DCC: variants seen among roughly 807,000 people sequenced by gnomAD.
The protein encoded by DCC is DCC netrin 1 receptor.
In DCC, 58 loss-of-function variants were observed where a neutral mutation model predicts 172.5. That is an observed-to-expected ratio of 0.34 (90% confidence interval 0.27 to 0.42). The LOEUF is 0.42. Among genes scored for constraint, DCC ranks in the 10% least tolerant of loss-of-function variants. DCC has a pLI of 1.00. For missense variants in DCC, 1,740 were observed against 1,791.0 expected (o/e 0.97, Z 0.51); for synonymous variants, 709 against 644.5 (o/e 1.10, Z -1.52).
At chr18:52,805,234 A>C (rs953184427) in intron 2 of DCC, among the ~76,000 whole-genome samples, 1 of 152,170 alleles carries the variant, frequency 6.6e-6, no homozygotes, top group Non-Finnish European at 1.5e-5. Context: ...CAAATGGAAT[A>C]GTTTCAGGAT....
At chr18:53,123,523 C>G (rs1598824989) in intron 7 of DCC, among the ~76,000 whole-genome samples, 1 of 151,992 alleles carries the variant, frequency 6.6e-6, no homozygotes, top group African/African-American at 2.4e-5. Context: ...CTATGTGCAA[C>G]CAGCCTTATT....
chr18:52,378,548 A>ATG (rs1229260162), intron 1 of DCC, among the ~76,000 whole-genome samples: 2 of 152,058 alleles, frequency 1.3e-5, no homozygotes, highest in African/African-American at 4.8e-5. Context: ...AAATATATAT[A>ATG]CTTTTTTTGA....
chr18:52,650,227 C>T (rs2035104921), intron 1 of DCC, among the ~76,000 whole-genome samples: 1 of 152,104 alleles, frequency 6.6e-6, no homozygotes, highest in Admixed American at 6.5e-5. Context: ...GATCTGCCTG[C>T]CTCAGCCTCC....
chr18:53,353,452 G>A (rs554021955), intron 15 of DCC, among the ~76,000 whole-genome samples: 28 of 151,864 alleles, frequency 1.8e-4, no homozygotes, highest in Admixed American at 1.4e-3. Context: ...AAAAAATAAC[G>A]TATTGTCTAA....
At chr18:52,681,089 T>C (rs1185132665) in intron 1 of DCC, among the ~76,000 whole-genome samples, 1 of 152,086 alleles carries the variant, frequency 6.6e-6, no homozygotes, top group Non-Finnish European at 1.5e-5. Flanking sequence ...CTTCAATTTA[T>C]ACTATCACAT....
intron 1 of DCC, among the ~76,000 whole-genome samples, chr18:52,680,214 T>C (rs1453073896): frequency 6.6e-6 from 1 of 152,006 alleles, no homozygotes; most frequent in African/African-American, 2.4e-5. Flanking sequence ...ACAATTACAT[T>C]ATGGCAAACT....
intron 5 of DCC, among the ~76,000 whole-genome samples, chr18:52,960,691 A>G (rs1456021006): frequency 1.6e-4 from 24 of 152,094 alleles, no homozygotes; most frequent in Admixed American, 1.6e-3. Context: ...TACTGACTTC[A>G]TTAGCAAACT....
intron 1 of DCC, among the ~76,000 whole-genome samples, chr18:52,423,325 T>C (rs1987314161): frequency 6.6e-6 from 1 of 152,092 alleles, no homozygotes; most frequent in African/African-American, 2.4e-5. Flanking sequence ...CTGGGGGATC[T>C]GCAAAGTCGT....
intron 2 of DCC, among the ~76,000 whole-genome samples, chr18:52,798,146 C>T (rs938493203): frequency 6.6e-6 from 1 of 150,704 alleles, no homozygotes; most frequent in Non-Finnish European, 1.5e-5. Context: ...CCATCAGTAT[C>T]AGATAGGGTC....
chr18:53,008,965 A>T (rs544731394), intron 5 of DCC, among the ~76,000 whole-genome samples: 2 of 152,062 alleles, frequency 1.3e-5, no homozygotes, highest in African/African-American at 4.8e-5. Flanking sequence ...TAAAGAAGGA[A>T]ACATATCTTT....
At chr18:52,363,854 G>T (rs1443459984) in intron 1 of DCC, among the ~76,000 whole-genome samples, 2 of 152,170 alleles carry the variant, frequency 1.3e-5, no homozygotes, top group African/African-American at 4.8e-5. Context: ...CTCCTTCTAA[G>T]ATATCAACAT....
intron 8 of DCC, 129 bp downstream of exon 8, chr18:53,157,641 A>T: frequency 2.2e-6 from 2 of 900,558 alleles, no homozygotes; most frequent in Non-Finnish European, 3.5e-6. Context: ...TATGTCCTTC[A>T]CTCATTCCCC....
chr18:53,078,807 A>G (rs1467601301), intron 7 of DCC, among the ~76,000 whole-genome samples: 2 of 152,120 alleles, frequency 1.3e-5, no homozygotes, highest in Non-Finnish European at 2.9e-5. Flanking sequence ...TTTCATCTAG[A>G]TGATCGTCTA....
At chr18:52,441,408 T>A (rs1311670497) in intron 1 of DCC, among the ~76,000 whole-genome samples, 2 of 152,212 alleles carry the variant, frequency 1.3e-5, no homozygotes, top group Non-Finnish European at 2.9e-5. Flanking sequence ...CCTCAAAGTC[T>A]ATGAAGTGTT....
At chr18:52,798,971 A>G (rs1336377772) in intron 2 of DCC, among the ~76,000 whole-genome samples, 10 of 151,790 alleles carry the variant, frequency 6.6e-5, no homozygotes, top group Admixed American at 6.6e-4. Flanking sequence ...CTGGTCTCGA[A>G]CTCCTGACCT....
At chr18:52,580,415 C>T (rs930471737) in intron 1 of DCC, among the ~76,000 whole-genome samples, 6 of 152,132 alleles carry the variant, frequency 3.9e-5, no homozygotes, top group Non-Finnish European at 7.3e-5. Context: ...CTGCTGACAT[C>T]TTTTGTCTCT....
At chr18:53,226,615 A>G (rs1272239388) in intron 12 of DCC, among the ~76,000 whole-genome samples, 1 of 152,038 alleles carries the variant, frequency 6.6e-6, no homozygotes, top group African/African-American at 2.4e-5. Context: ...TATATTTGTT[A>G]TTAAAAGTTT....
At chr18:52,511,082 C>T (rs527439917) in intron 1 of DCC, among the ~76,000 whole-genome samples, 4 of 152,004 alleles carry the variant, frequency 2.6e-5, no homozygotes, top group Non-Finnish European at 4.4e-5. Context: ...GAGATCGAAA[C>T]TATCCTGACT....
At chr18:53,136,447 T>G (rs1360727305) in intron 7 of DCC, among the ~76,000 whole-genome samples, 1 of 152,150 alleles carries the variant, frequency 6.6e-6, no homozygotes, top group African/African-American at 2.4e-5. Context: ...ATTGCATTTT[T>G]AGTTTCGCAA....
Sources: gnomAD v4.1 joint callset for allele counts (sites outside exome capture counted in the v4.1 genomes callset) on GRCh38, gnomAD v4.1.1 for gene constraint, MANE v1.5 for transcripts, NCBI Gene and HGNC (gene_info 2026-07-23, HGNC 2026-07-21) for gene names.